The following CERS6 variants were observed in gnomAD, a reference collection of about 807,000 sequenced individuals.
CERS6 encodes the protein ceramide synthase 6, also known as LAG1 homolog, ceramide synthase 6.
In CERS6, 26 loss-of-function variants were observed where a neutral mutation model predicts 56.8. The ratio of observed to expected loss-of-function variants is 0.46; its 90% CI spans 0.34 to 0.63. CERS6 has a LOEUF of 0.63. Ranked by LOEUF, CERS6 falls within the 30% of genes least tolerant of loss-of-function variation. The pLI is 0.01. For synonymous variants in CERS6, 164 were observed against 173.3 expected (o/e 0.95, Z 0.42); for missense variants, 415 against 467.5 (o/e 0.89, Z 1.04).
intron 3 of CERS6, among the ~76,000 whole-genome samples, chr2:168,592,674 C>T (rs1683703047): frequency 6.6e-6 from 1 of 152,048 alleles, no homozygotes; most frequent in South Asian, 2.1e-4. Flanking sequence ...TACCCCTGTG[C>T]AGCAGGGTGG....
intron 1 of CERS6, among the ~76,000 whole-genome samples, chr2:168,524,513 A>C (rs781263549): frequency 6.6e-6 from 1 of 152,194 alleles, no homozygotes; most frequent in Non-Finnish European, 1.5e-5. Flanking sequence ...ATAGAGACGG[A>C]ATTGAGACAC....
intron 7 of CERS6, among the ~76,000 whole-genome samples, chr2:168,715,934 T>C (rs957717740): frequency 6.6e-6 from 1 of 152,108 alleles, no homozygotes; most frequent in Non-Finnish European, 1.5e-5. Flanking sequence ...GATTTTTTTT[T>C]CCTTTAGGCC....
chr2:168,538,979 T>TAAGACCTTGGGCACCCTCATTAACTTC (rs1695319570), intron 1 of CERS6, among the ~76,000 whole-genome samples: 6,537 of 7,890 alleles, frequency 0.83, 3,252 homozygotes, highest in Middle Eastern at 1. Flanking sequence ...TTTTTTTTTT[T>TAAGACCTTGGGCACCCTCATTAACTTC]TTTTGAGACG....
intron 4 of CERS6, among the ~76,000 whole-genome samples, chr2:168,690,494 T>C (rs1686471027): frequency 6.6e-6 from 1 of 152,156 alleles, no homozygotes; most frequent in Non-Finnish European, 1.5e-5. Context: ...TAAAAAGACC[T>C]GGATCACAGG....
chr2:168,602,274 A>G (rs1405623504), intron 3 of CERS6, among the ~76,000 whole-genome samples: 4 of 152,258 alleles, frequency 2.6e-5, no homozygotes, highest in South Asian at 2.1e-4. Flanking sequence ...TAAGGAACAT[A>G]TAAGTATTTA....
intron 1 of CERS6, among the ~76,000 whole-genome samples, chr2:168,536,277 C>T (rs1485577595): frequency 6.6e-6 from 1 of 151,964 alleles, no homozygotes; most frequent in Non-Finnish European, 1.5e-5. Flanking sequence ...CAGAAAGGGC[C>T]CAGTGGCTAT....
chr2:168,631,327 A>G (rs1304362658), intron 4 of CERS6, among the ~76,000 whole-genome samples: 1 of 146,286 alleles, frequency 6.8e-6, no homozygotes, highest in African/African-American at 2.5e-5. Context: ...CACAATTTGA[A>G]AACATGAATT....
intron 4 of CERS6, among the ~76,000 whole-genome samples, chr2:168,685,851 G>A (rs1686335244): frequency 6.6e-6 from 1 of 151,770 alleles, no homozygotes; most frequent in African/African-American, 2.4e-5. Flanking sequence ...GGGAGAAGAG[G>A]CACATAAGCT....
intron 4 of CERS6, among the ~76,000 whole-genome samples, chr2:168,654,018 G>A (rs1685408396): frequency 6.6e-6 from 1 of 152,036 alleles, no homozygotes; most frequent in African/African-American, 2.4e-5. Context: ...TGAAACTTTT[G>A]GTTTTAGATT....
chr2:168,456,661 C>T lies in CERS6; in HGVS notation c.170+43C>T. 2 of 1,570,642 alleles carry T rather than the reference C, an allele frequency of 1.3e-6. No individual in the cohort carries two copies. Among genetic ancestry groups the T allele is most frequent in the Non-Finnish European group, 1.7e-6 (2 of 1,151,438 alleles). Reference sequence around the variant, plus strand: ...CCCTCCTCCCCTCCCCCTGCGCACACACACGCGCGCACACACTCGCGCGCT... The same window carrying T: ...CCCTCCTCCCCTCCCCCTGCGCACATACACGCGCGCACACACTCGCGCGCT... On this transcript the variant is annotated intron_variant, in intron 1 of 9. Transcript: ENST00000305747. The surrounding 1 kb of genome is among the most constrained non-coding windows in gnomAD (Gnocchi z 4.1).
intron 6 of CERS6, among the ~76,000 whole-genome samples, chr2:168,706,543 T>C (rs1376358964): frequency 6.6e-6 from 1 of 152,242 alleles, no homozygotes; most frequent in African/African-American, 2.4e-5. Flanking sequence ...ATCTTACTTT[T>C]AAAAGCTTGT....
At chr2:168,621,827 A>G (rs1036766508) in intron 3 of CERS6, among the ~76,000 whole-genome samples, 6 of 152,340 alleles carry the variant, frequency 3.9e-5, no homozygotes, top group Admixed American at 3.3e-4. Context: ...TACACTTCCA[A>G]TGGCAATTTT....
chr2:168,762,830 G>A (rs1333355115), intron 8 of CERS6, among the ~76,000 whole-genome samples: 1 of 152,056 alleles, frequency 6.6e-6, no homozygotes, highest in Non-Finnish European at 1.5e-5. Flanking sequence ...AGAAATCGGG[G>A]GTGGGGAAGA....
chr2:168,695,791 C>G (rs1158785809), intron 6 of CERS6, among the ~76,000 whole-genome samples: 1 of 152,186 alleles, frequency 6.6e-6, no homozygotes, highest in African/African-American at 2.4e-5. Context: ...ACACTTCCAA[C>G]CATAACCTAC....
chr2:168,630,377 T>A (rs987476971), intron 3 of CERS6, among the ~76,000 whole-genome samples: 6 of 151,824 alleles, frequency 4.0e-5, no homozygotes, highest in African/African-American at 1.5e-4. Flanking sequence ...TCATTTAAAA[T>A]CAAAAGAAAA....
At chr2:168,628,851 A>G (rs191319701) in intron 3 of CERS6, among the ~76,000 whole-genome samples, 4 of 150,572 alleles carry the variant, frequency 2.7e-5, no homozygotes, top group Non-Finnish European at 5.9e-5. Context: ...CCCTGATTCT[A>G]GCAGTAGGTT....
chr2:168,547,845 G>A, intron 2 of CERS6, 144 bp downstream of exon 2: 1 of 636,088 alleles, frequency 1.6e-6, no homozygotes, highest in Middle Eastern at 2.6e-4. Context: ...AGGAATGCAA[G>A]CGTAGTAGAA....
In CERS6 at chr2:168,722,383, AT is replaced by A. The variant is rs1051699667; in HGVS notation, c.845+4414del. The stretch of plus-strand genomic sequence containing the variant: ...TCCAAGGTCATGAAGATTTACTCCT[AT>A]TTTTTTTTCCTAGGAGTTTTCTAGT... On this transcript the variant is annotated intron_variant, in intron 8 of 9. Coordinates refer to ENST00000305747, the MANE Select transcript of CERS6 (RefSeq NM_203463.3). Among the ~76,000 whole-genome samples the A allele has an allele frequency of 1.1e-4, 16 of 150,324 alleles. 1 individual carries two copies.
intron 8 of CERS6, among the ~76,000 whole-genome samples, chr2:168,745,941 C>G (rs1684085562): frequency 6.6e-6 from 1 of 152,200 alleles, no homozygotes; most frequent in Non-Finnish European, 1.5e-5. Context: ...GGGTCACCTC[C>G]CAGGCCCATC....
Sources: gnomAD v4.1 joint callset for allele counts (sites outside exome capture counted in the v4.1 genomes callset) on GRCh38, gnomAD v4.1.1 for gene constraint, Gnocchi (gnomAD v3.1) non-coding constraint, MANE v1.5 for transcripts, NCBI Gene and HGNC (gene_info 2026-07-23, HGNC 2026-07-21) for gene names.